Variants in CRPPA observed in about 807,000 individuals in gnomAD.
The protein encoded by CRPPA is D-ribitol-5-phosphate cytidylyltransferase.
A neutral mutation model predicts 52.0 loss-of-function variants in CRPPA; 43 were observed. The ratio of observed to expected loss-of-function variants is 0.83; its 90% CI spans 0.65 to 1.07. The LOEUF is 1.07. Among genes scored for constraint, CRPPA ranks in the 50% least tolerant of loss-of-function variants. CRPPA has a pLI of 0.00. For synonymous variants in CRPPA, 250 were observed against 203.5 expected (o/e 1.23, Z -1.94); for missense variants, 629 against 551.7 (o/e 1.14, Z -1.40).
At chr7:16,363,659 T>C (rs992841785) in intron 3 of CRPPA, among the ~76,000 whole-genome samples, 3 of 152,024 alleles carry the variant, frequency 2.0e-5, no homozygotes, top group Admixed American at 6.6e-5. Flanking sequence ...ACTTAAGAAA[T>C]GAAACAGTCT....
chr7:16,190,792 G>A (rs546638924), intron 9 of CRPPA, among the ~76,000 whole-genome samples: 56 of 152,012 alleles, frequency 3.7e-4, no homozygotes, highest in African/African-American at 1.3e-3. Context: ...CCAAGTCCCC[G>A]AAATCCATTG....
chr7:16,235,133 T>C (rs1782912015), intron 8 of CRPPA, among the ~76,000 whole-genome samples: 1 of 152,050 alleles, frequency 6.6e-6, no homozygotes, highest in Non-Finnish European at 1.5e-5. Context: ...GGTAAATTTA[T>C]ACTAGCAAAA....
intron 9 of CRPPA, among the ~76,000 whole-genome samples, chr7:16,194,725 G>A (rs1562550241): frequency 6.6e-6 from 1 of 152,128 alleles, no homozygotes; most frequent in Non-Finnish European, 1.5e-5. Flanking sequence ...AAGATGGAAG[G>A]TAATGAAGAC....
intron 2 of CRPPA, among the ~76,000 whole-genome samples, chr7:16,387,257 T>C (rs909070669): frequency 1.8e-4 from 28 of 151,356 alleles, no homozygotes; most frequent in African/African-American, 6.5e-4. Flanking sequence ...CTTACATAGA[T>C]ATAATATGCA....
chr7:16,149,723 C>T (rs1431279745), intron 9 of CRPPA, among the ~76,000 whole-genome samples: 3 of 152,142 alleles, frequency 2.0e-5, no homozygotes, highest in East Asian at 1.9e-4. Flanking sequence ...CGGGGGCTCA[C>T]GCCTGTAATC....
At chr7:16,339,733 G>A (rs1039777746) in intron 3 of CRPPA, among the ~76,000 whole-genome samples, 1 of 152,134 alleles carries the variant, frequency 6.6e-6, no homozygotes, top group African/African-American at 2.4e-5. Context: ...ATTCTGATTG[G>A]AAAGAAGTAA....
intron 3 of CRPPA, among the ~76,000 whole-genome samples, chr7:16,366,593 T>C (rs1448531071): frequency 6.6e-6 from 1 of 152,138 alleles, no homozygotes; most frequent in African/African-American, 2.4e-5. Flanking sequence ...ATTTATGCTT[T>C]TAGGCTAATG....
At chr7:16,097,291 A>C (rs1781955479) in intron 9 of CRPPA, among the ~76,000 whole-genome samples, 1 of 152,304 alleles carries the variant, frequency 6.6e-6, no homozygotes, top group East Asian at 1.9e-4. Context: ...ACAATTGTTC[A>C]CTGAGATCTT....
At chr7:16,172,807 T>C (rs1286638451) in intron 9 of CRPPA, among the ~76,000 whole-genome samples, 2 of 152,170 alleles carry the variant, frequency 1.3e-5, no homozygotes, top group African/African-American at 4.8e-5. Flanking sequence ...ATAGATCTTT[T>C]AAGAAAAATC....
At chr7:16,103,798 G>C (rs1782096153) in intron 9 of CRPPA, among the ~76,000 whole-genome samples, 1 of 152,138 alleles carries the variant, frequency 6.6e-6, no homozygotes, top group South Asian at 2.1e-4. Context: ...TTATAGGAGG[G>C]ATAGAAAGCT....
At chr7:16,113,403 AAAT>A (rs546726075) in intron 9 of CRPPA, among the ~76,000 whole-genome samples, 176 of 152,220 alleles carry the variant, frequency 1.2e-3, no homozygotes, top group Non-Finnish European at 2.1e-3. Context: ...ACAGGCAAAA[AAAT>A]AATAATTTAT....
chr7:16,385,210 C>G (rs748066274), intron 2 of CRPPA, among the ~76,000 whole-genome samples: 1 of 149,718 alleles, frequency 6.7e-6, no homozygotes, highest in South Asian at 2.1e-4. Flanking sequence ...TTGGGAGTAC[C>G]AAAAGGAAAG....
intron 9 of CRPPA, among the ~76,000 whole-genome samples, chr7:16,186,916 T>C (rs986347381): frequency 6.6e-6 from 1 of 152,164 alleles, no homozygotes; most frequent in Non-Finnish European, 1.5e-5. Flanking sequence ...CGTGGAAAGT[T>C]TGCTGAAAGA....
chr7:16,295,559 G>T (rs1022458520), intron 5 of CRPPA, among the ~76,000 whole-genome samples: 1 of 151,976 alleles, frequency 6.6e-6, no homozygotes, highest in East Asian at 1.9e-4. Flanking sequence ...CCACAATATT[G>T]AATATATTAA....
chr7:16,214,989 C>G (rs1393071590), intron 9 of CRPPA, among the ~76,000 whole-genome samples: 1 of 152,148 alleles, frequency 6.6e-6, no homozygotes, highest in Non-Finnish European at 1.5e-5. Context: ...TTCTTGATAA[C>G]TGAGGTCATG....
chr7:16,272,446 C>G (rs1488661962), intron 6 of CRPPA, among the ~76,000 whole-genome samples: 2 of 152,138 alleles, frequency 1.3e-5, no homozygotes, highest in African/African-American at 4.8e-5. Flanking sequence ...ACAATCCTCC[C>G]ATTATGTGTT....
chr7:16,265,030 G>A (rs758802368), intron 6 of CRPPA, among the ~76,000 whole-genome samples: 1 of 152,198 alleles, frequency 6.6e-6, no homozygotes, highest in South Asian at 2.1e-4. Context: ...TGAAGGGTAA[G>A]AGTTAACTTT....
At chr7:16,339,509 T>C (rs1404314043) in intron 3 of CRPPA, among the ~76,000 whole-genome samples, 2 of 152,162 alleles carry the variant, frequency 1.3e-5, no homozygotes, top group African/African-American at 4.8e-5. Context: ...CCACTTATGA[T>C]AACAAGTCAG....
intron 9 of CRPPA, among the ~76,000 whole-genome samples, chr7:16,175,538 G>A (rs1781277031): frequency 6.6e-6 from 1 of 152,126 alleles, no homozygotes; most frequent in Non-Finnish European, 1.5e-5. Context: ...TTGTGTCGCT[G>A]TGACTATAAC....
Sources: allele counts gnomAD v4.1 joint callset (sites outside exome capture counted in the v4.1 genomes callset), GRCh38; gene constraint gnomAD v4.1.1; transcripts MANE v1.5; gene names NCBI Gene and HGNC (gene_info 2026-07-23, HGNC 2026-07-21).